PMS1: variants seen among roughly 807,000 people sequenced by gnomAD.
PMS1 encodes PMS1 homolog 1, mismatch repair system component.
Under a neutral mutation model 93.1 loss-of-function variants are expected in PMS1, and 79 were observed. The ratio of observed to expected loss-of-function variants is 0.85; its 90% CI spans 0.71 to 1.02. The LOEUF (loss-of-function observed/expected upper bound fraction) is 1.02, where lower values mean the gene tolerates loss of function less well. PMS1 is among the 50% of genes least tolerant of loss of function. PMS1 has a pLI of 0.00. For missense variants in PMS1, 1,064 were observed against 1,085.3 expected (o/e 0.98, Z 0.28); for synonymous variants, 335 against 363.4 (o/e 0.92, Z 0.89).
At chr2:189,836,839 A>T (rs1230133971) in intron 5 of PMS1, among the ~76,000 whole-genome samples, 1 of 152,194 alleles carries the variant, frequency 6.6e-6, no homozygotes, top group East Asian at 1.9e-4. Context: ...CTCATGTTTC[A>T]CAGCTTTTTC....
intron 5 of PMS1, among the ~76,000 whole-genome samples, chr2:189,840,993 A>T (rs2053776153): frequency 6.6e-6 from 1 of 152,240 alleles, no homozygotes; most frequent in African/African-American, 2.4e-5. Flanking sequence ...TGCATTTGTC[A>T]GTCAGACCCT....
At chr2:189,860,038 T>C (rs1406838628) in intron 9 of PMS1, among the ~76,000 whole-genome samples, 2 of 152,216 alleles carry the variant, frequency 1.3e-5, no homozygotes, top group African/African-American at 4.8e-5. Context: ...TCCTCTCTTT[T>C]TCTGATTGTT....
At chr2:189,809,832 C>G (rs1277592942) in intron 4 of PMS1, among the ~76,000 whole-genome samples, 1 of 152,124 alleles carries the variant, frequency 6.6e-6, no homozygotes, top group Non-Finnish European at 1.5e-5. Flanking sequence ...AACTCCATCT[C>G]AAAATAATGA....
At chr2:189,787,931 C>T (rs138162285) in intron 1 of PMS1, among the ~76,000 whole-genome samples, 90 of 152,132 alleles carry the variant, frequency 5.9e-4, no homozygotes, top group African/African-American at 1.6e-3. Flanking sequence ...AAAAGAGATG[C>T]AGACATCTTA....
At chr2:189,810,740 G>T (rs1032908470) in intron 4 of PMS1, among the ~76,000 whole-genome samples, 2 of 152,226 alleles carry the variant, frequency 1.3e-5, no homozygotes, top group South Asian at 4.2e-4. Context: ...GGAACTAAAA[G>T]GTTCAACTCA....
intron 5 of PMS1, among the ~76,000 whole-genome samples, chr2:189,841,630 A>G (rs2053828425): frequency 6.6e-6 from 1 of 151,928 alleles, no homozygotes; most frequent in South Asian, 2.1e-4. Context: ...TCCTGACTAC[A>G]TAGATTCCTG....
chr2:189,854,400 TG>T lies in PMS1; in HGVS notation c.1130del (p.Gly377GlufsTer31), dbSNP rs758168664. The part of the protein sequence containing the change: ...DVLFNKVESS[G>X]KNYSNVDTSV... ...TGCTTTTTAATAAAGTGGAATCATC[TG>T]GAAAGAATTATTCAAATGTTGATAC... On this transcript the variant is annotated frameshift_variant, in exon 9 of 13. Coordinates refer to ENST00000441310, the MANE Select transcript of PMS1 (RefSeq NM_000534.5). LOFTEE classifies it high-confidence loss of function. The T allele has an allele frequency of 1.9e-6, 3 of 1,603,546 alleles. No individual in the cohort carries two copies. The Admixed American group carries it at 5.1e-5, about 27-fold the overall frequency.
chr2:189,817,560 A>G (rs185034767), intron 4 of PMS1, among the ~76,000 whole-genome samples: 3 of 152,274 alleles, frequency 2.0e-5, no homozygotes, highest in African/African-American at 7.2e-5. Context: ...GTGTTTTTGA[A>G]TGTTGTTGAA....
At chr2:189,819,609 A>G (rs2051647455) in intron 5 of PMS1, among the ~76,000 whole-genome samples, 1 of 152,094 alleles carries the variant, frequency 6.6e-6, no homozygotes, top group African/African-American at 2.4e-5. Flanking sequence ...TTGTGGTTTA[A>G]TTTGCATTTT....
intron 1 of PMS1, among the ~76,000 whole-genome samples, chr2:189,790,961 C>G (rs766864513): frequency 3.3e-5 from 5 of 151,856 alleles, no homozygotes; most frequent in Non-Finnish European, 7.4e-5. Context: ...TTTCAGCAGG[C>G]AGTTGGAAAT....
intron 5 of PMS1, among the ~76,000 whole-genome samples, chr2:189,824,760 T>C (rs1190104541): frequency 2.0e-5 from 3 of 152,112 alleles, no homozygotes; most frequent in Non-Finnish European, 2.9e-5. Context: ...AACAAGCTAT[T>C]TATGTTCAAG....
chr2:189,794,721 C>G (rs1470754755), intron 2 of PMS1, among the ~76,000 whole-genome samples: 1 of 151,996 alleles, frequency 6.6e-6, no homozygotes, highest in Non-Finnish European at 1.5e-5. Context: ...AGTATGATCA[C>G]TATGGGAATT....
chr2:189,826,275 T>C (rs1441335204), intron 5 of PMS1, among the ~76,000 whole-genome samples: 1 of 152,210 alleles, frequency 6.6e-6, no homozygotes, highest in Non-Finnish European at 1.5e-5. Context: ...GAGGTTCTAA[T>C]TCAGGAGTGT....
intron 5 of PMS1, among the ~76,000 whole-genome samples, chr2:189,837,058 A>T (rs1403048081): frequency 1.3e-5 from 2 of 152,200 alleles, no homozygotes; most frequent in African/African-American, 2.4e-5. Flanking sequence ...GAATTTTAAA[A>T]CATTAGTTTT....
At chr2:189,830,782 C>T (rs943505190) in intron 5 of PMS1, among the ~76,000 whole-genome samples, 1 of 152,304 alleles carries the variant, frequency 6.6e-6, no homozygotes, top group East Asian at 1.9e-4. Flanking sequence ...TAAGCGTAGG[C>T]CTTAAAGCAC....
At chr2:189,855,515 A>G (rs958927809) in intron 9 of PMS1, among the ~76,000 whole-genome samples, 3 of 151,824 alleles carry the variant, frequency 2.0e-5, no homozygotes, top group African/African-American at 7.2e-5. Flanking sequence ...GAACAGTTGT[A>G]ACTGGTGTTT....
At chr2:189,804,594 C>T (rs770672205) in intron 3 of PMS1, among the ~76,000 whole-genome samples, 4 of 152,076 alleles carry the variant, frequency 2.6e-5, no homozygotes, top group South Asian at 2.1e-4. Flanking sequence ...CTCTGATATT[C>T]CCTGCATGCT....
At chr2:189,847,125 G>T (rs948063716) in intron 6 of PMS1, among the ~76,000 whole-genome samples, 1 of 151,630 alleles carries the variant, frequency 6.6e-6, no homozygotes, top group Non-Finnish European at 1.5e-5. Context: ...CCCCCAAAGC[G>T]CCCATTTCTT....
At chr2:189,785,731 G>A (rs368090855) in intron 1 of PMS1, among the ~76,000 whole-genome samples, 1 of 152,086 alleles carries the variant, frequency 6.6e-6, no homozygotes, top group African/African-American at 2.4e-5. Flanking sequence ...GGGAAGAAAG[G>A]CTTGAAGAGT....
Sources: allele counts gnomAD v4.1 joint callset (sites outside exome capture counted in the v4.1 genomes callset), GRCh38; gene constraint gnomAD v4.1.1; transcripts MANE v1.5; gene names NCBI Gene and HGNC (gene_info 2026-07-23, HGNC 2026-07-21).